Variants in RPN1 observed in about 807,000 individuals in gnomAD.
The protein encoded by RPN1 is dolichyl-diphosphooligosaccharide--protein glycosyltransferase subunit 1.
A neutral mutation model predicts 55.5 loss-of-function variants in RPN1; 12 were observed. The observed-to-expected ratio is 0.22, with a 90% CI of 0.14 to 0.35. The LOEUF (loss-of-function observed/expected upper bound fraction) is 0.35. RPN1 is among the 10% of genes least tolerant of loss of function. The pLI is 1.00. For missense variants in RPN1, 679 were observed against 761.3 expected, an observed-to-expected ratio of 0.89 and a Z score of 1.27; for synonymous variants, 317 against 305.9, an observed-to-expected ratio of 1.04 and a Z score of -0.38.
At chr3:128,631,511 G>A (rs1458735525) in intron 4 of RPN1, among the ~76,000 whole-genome samples, 2 of 151,678 alleles carry the variant, frequency 1.3e-5, no homozygotes, top group Admixed American at 6.6e-5. Flanking sequence ...AGAAGCCAAG[G>A]CAGGTGGATC....
In RPN1 at chr3:128,631,272, G is replaced by A. The variant is rs576047535; in HGVS notation, c.843+676C>T. Reference sequence around the variant, plus strand: ...GCGGATCACCTGAAGTCAGGAGTTCGAGACCAGCCTGTCCAACATGGAGAA... The same window carrying A: ...GCGGATCACCTGAAGTCAGGAGTTCAAGACCAGCCTGTCCAACATGGAGAA... On this transcript the variant is annotated intron_variant, in intron 4 of 9. Coordinates refer to ENST00000296255, the MANE Select transcript of RPN1 (RefSeq NM_002950.4). Among the ~76,000 whole-genome samples the A allele has an allele frequency of 1.6e-3, 247 of 152,028 alleles. 1 individual carries two copies. The highest frequency in any genetic ancestry group is 5.1e-3 in the African/African-American group (210 of 41,468).
chr3:128,646,710 G>A (rs2069771398), intron 1 of RPN1, among the ~76,000 whole-genome samples: 2 of 149,612 alleles, frequency 1.3e-5, no homozygotes, highest in African/African-American at 2.5e-5. Context: ...TTGGCCGGGT[G>A]CGGTGGCTCA....
At chr3:128,636,454 CCTT>C (rs1424421618) in intron 3 of RPN1, among the ~76,000 whole-genome samples, 2 of 144,546 alleles carry the variant, frequency 1.4e-5, no homozygotes, top group African/African-American at 2.6e-5. Flanking sequence ...GATCAAGACT[CCTT>C]CTCAAAAAAA....
intron 2 of RPN1, among the ~76,000 whole-genome samples, chr3:128,644,210 C>G (rs1465080134): frequency 6.6e-6 from 1 of 152,148 alleles, no homozygotes; most frequent in Non-Finnish European, 1.5e-5. Flanking sequence ...GGAGGGAGAA[C>G]TGATCTGATA....
In RPN1 at chr3:128,638,120, A is replaced by G. The variant is rs369782627; in HGVS notation, c.327-15T>C. 1.7e-5 allele frequency: 27 copies of G among 1,600,128 alleles called. No homozygotes were observed. In the African/African-American group the frequency reaches 2.9e-4, roughly 17 times the overall value. The stretch of plus-strand genomic sequence containing the variant: ...AGAATCTCCCACTAAAGGAAGAACA[A>G]GGCAAGAGAAGTAAGAGAGACTGAG... On this transcript the variant is annotated splice_polypyrimidine_tract_variant and intron_variant, in intron 2 of 9. Coordinates refer to ENST00000296255, the MANE Select transcript of RPN1 (RefSeq NM_002950.4).
intron 2 of RPN1, among the ~76,000 whole-genome samples, chr3:128,639,089 G>A (rs1002171654): frequency 2.0e-5 from 3 of 152,168 alleles, no homozygotes; most frequent in Non-Finnish European, 2.9e-5. Flanking sequence ...ATATTAACAT[G>A]GAAAGATGTC....
intron 3 of RPN1, among the ~76,000 whole-genome samples, 155 bp from the exon 4 acceptor site, chr3:128,632,312 A>G (rs959421087): frequency 6.6e-6 from 1 of 152,224 alleles, no homozygotes; most frequent in Non-Finnish European, 1.5e-5. Context: ...TATGTTTACT[A>G]GGACTTCTTG....
rs539943465 is a variant in RPN1 at position 128,646,484 on chromosome 3, G to A, written c.262-1501C>T. On this transcript the variant is annotated intron_variant, in intron 1 of 9. Coordinates refer to ENST00000296255, the MANE Select transcript of RPN1 (RefSeq NM_002950.4). ...GCGGATCACCTGAGGTCAGGAGTTCGAGACCAGCCTGGCCAATATAGTGAA... is the reference window on the plus strand; with the variant it reads ...GCGGATCACCTGAGGTCAGGAGTTCAAGACCAGCCTGGCCAATATAGTGAA... 6.6e-5 allele frequency among the ~76,000 whole-genome samples: 10 copies of A among 151,876 alleles called. No homozygotes were observed. In the East Asian group the frequency reaches 1.4e-3, roughly 21 times the overall value.
At chr3:128,632,646 G>C (rs753383621) in intron 3 of RPN1, among the ~76,000 whole-genome samples, 11 of 152,144 alleles carry the variant, frequency 7.2e-5, no homozygotes, top group Non-Finnish European at 1.3e-4. Context: ...CCAGGCTGGA[G>C]TACAATGGTA....
intron 8 of RPN1, among the ~76,000 whole-genome samples, chr3:128,623,352 C>CA (rs1171200386): frequency 6.6e-6 from 1 of 152,104 alleles, no homozygotes; most frequent in Non-Finnish European, 1.5e-5. Context: ...GCCTAGCCAA[C>CA]ATGGCAAAAC....
chr3:128,623,198 C>T (rs1473686265), intron 8 of RPN1, among the ~76,000 whole-genome samples: 2 of 151,982 alleles, frequency 1.3e-5, no homozygotes, highest in Middle Eastern at 3.2e-3. Flanking sequence ...TGAGGTCAGG[C>T]GTTCAAGACC....
rs2069645104 is a variant in RPN1, at chr3:128,631,943, C to G, written c.843+5G>C. ...CTCACAATGTCCAAGTTGAACATTCCATACCTTAAAAGAACGGATGGAGGA... is the reference window on the plus strand; with the variant it reads ...CTCACAATGTCCAAGTTGAACATTCGATACCTTAAAAGAACGGATGGAGGA... On this transcript the variant is annotated splice_donor_5th_base_variant and intron_variant, in intron 4 of 9. Coordinates refer to ENST00000296255, the MANE Select transcript of RPN1 (RefSeq NM_002950.4). 6.2e-7 allele frequency: 1 copy of G among 1,613,928 alleles called. No individual in the cohort carries two copies. The highest frequency in any genetic ancestry group is 8.5e-7 in the Non-Finnish European group (1 of 1,179,962).
At position 128,625,942 on chromosome 3, in the gene RPN1, T is replaced by C; in HGVS notation, c.1207A>G (p.Thr403Ala). 1 of 1,613,932 alleles carries C rather than the reference T, an allele frequency of 6.2e-7. No individual in the cohort carries two copies. Among genetic ancestry groups the C allele is most frequent in the South Asian group, 1.1e-5 (1 of 91,064 alleles). ...PDELHYTYLD[T>A]FGRPVIVAYK... ...GCAACAATCACAGGGCGGCCAAATGTGTCCAGATAGGTGTAGTGCAGCTCA... is the reference window on the plus strand; with the variant it reads ...GCAACAATCACAGGGCGGCCAAATGCGTCCAGATAGGTGTAGTGCAGCTCA... Residue 403 changes from threonine to alanine, a missense_variant, in exon 7 of 10, where the codon ACA (threonine) becomes GCA (alanine). By Grantham distance (58) the Thr-to-Ala change is moderately conservative (BLOSUM62 0). This residue lies in a region of RPN1 where 306 missense variants were observed against 360.0 expected (regional missense o/e 0.85). Coordinates refer to ENST00000296255, the MANE Select transcript of RPN1 (RefSeq NM_002950.4).
At chr3:128,632,444 ATC>A (rs911393701) in intron 3 of RPN1, among the ~76,000 whole-genome samples, 3 of 152,234 alleles carry the variant, frequency 2.0e-5, no homozygotes, top group Non-Finnish European at 4.4e-5. Flanking sequence ...TAAGTGCATT[ATC>A]TCATCTCATT....
chr3:128,625,674 G>A (rs1365194298), intron 7 of RPN1, 21 bp from the exon 8 acceptor site: 3 of 1,613,478 alleles, frequency 1.9e-6, no homozygotes, highest in African/African-American at 2.7e-5. Flanking sequence ...CAAGAGGACA[G>A]GCTTCATCGG....
chr3:128,638,987 A>C (rs2069704420), intron 2 of RPN1, among the ~76,000 whole-genome samples: 1 of 152,070 alleles, frequency 6.6e-6, no homozygotes, highest in Non-Finnish European at 1.5e-5. Context: ...TTTTAATAGA[A>C]CCACACAACA....
Position 128,625,553 on chromosome 3 carries a change from A to C in RPN1, c.1376T>G (p.Leu459Arg). ...CGGTACCTTGGTGATGGAGAAGTCCAGCCGAACATAGATGATAACGGTGAA... is the reference window on the plus strand; with the variant it reads ...CGGTACCTTGGTGATGGAGAAGTCCCGCCGAACATAGATGATAACGGTGAA... Reference protein sequence around the residue: ...LFFTVIIYVRLDFSITKDPAA... With the variant: ...LFFTVIIYVRRDFSITKDPAA... The change falls in exon 8 of 10, where the codon CTG (leucine) becomes CGG (arginine). Residue 459 changes from leucine (L) to arginine (R), a missense_variant. Physicochemically the swap from Leu to Arg is moderately radical, Grantham distance 102. Coordinates refer to ENST00000296255, the MANE Select transcript of RPN1 (RefSeq NM_002950.4). The C allele has an allele frequency of 6.2e-7, 1 of 1,614,140 alleles. No homozygotes were observed. Among genetic ancestry groups the C allele is most frequent in the Non-Finnish European group, 8.5e-7 (1 of 1,180,032 alleles).
chr3:128,634,565 T>C (rs1470705059), intron 3 of RPN1, among the ~76,000 whole-genome samples: 10 of 145,052 alleles, frequency 6.9e-5, no homozygotes, highest in African/African-American at 2.6e-4. Flanking sequence ...CCATAAACCT[T>C]TTTTTTTTTT....
Position 128,625,576 on chromosome 3 carries a change from G to A in RPN1, c.1353C>T (p.Phe451=), listed in dbSNP as rs1337517944. Reference sequence around the variant, plus strand: ...CCAGCCGAACATAGATGATAACGGTGAAGAACAGGATGTAGAAGGCCGCCA... The same window carrying A: ...CCAGCCGAACATAGATGATAACGGTAAAGAACAGGATGTAGAAGGCCGCCA... The part of the protein sequence containing the change: ...LVVAAFYILF[F]TVIIYVRLDF... Residue 451 remains phenylalanine, a synonymous_variant, in exon 8 of 10, where the codon TTC becomes TTT. Coordinates refer to ENST00000296255, the MANE Select transcript of RPN1 (RefSeq NM_002950.4). 1.9e-6 allele frequency: 3 copies of A among 1,614,124 alleles called. No homozygotes were observed. The highest frequency in any genetic ancestry group is 1.7e-6 in the Non-Finnish European group (2 of 1,180,030).
Sources: allele counts gnomAD v4.1 joint callset (sites outside exome capture counted in the v4.1 genomes callset), GRCh38; gene constraint gnomAD v4.1.1; regional missense constraint gnomAD v4.1.1; transcripts MANE v1.5; gene names NCBI Gene and HGNC (gene_info 2026-07-23, HGNC 2026-07-21).